Variants in TTC28 observed in about 807,000 individuals in gnomAD.
TTC28 encodes tetratricopeptide repeat protein 28.
In TTC28, 61 loss-of-function variants were observed where a neutral mutation model predicts 198.0. The ratio of observed to expected loss-of-function variants is 0.31; its 90% CI spans 0.25 to 0.38. The LOEUF is 0.38. Among genes scored for constraint, TTC28 ranks in the 10% least tolerant of loss-of-function variants. TTC28 has a pLI of 1.00. For missense variants in TTC28, 2,678 were observed against 3,164.0 expected, an observed-to-expected ratio of 0.85 and a Z score of 3.69; for synonymous variants, 1,171 against 1,297.8, an observed-to-expected ratio of 0.90 and a Z score of 2.10.
Position 28,107,596 on chromosome 22 carries a change from C to T in TTC28, c.2249G>A (p.Arg750Lys), listed in dbSNP as rs765051910. The stretch of plus-strand genomic sequence containing the variant: ...TGCATATGCACTGGCTTCTAATCTT[C>T]TGTCCTTTACCTGGTGAGCTAAGCC... Reference protein sequence around the residue: ...QLGLAHQVKDRRLEASAYAAL... With the variant: ...QLGLAHQVKDKRLEASAYAAL... The change falls in exon 7 of 23, where the codon AGA (arginine) becomes AAA (lysine). Residue 750 changes from arginine (R) to lysine (K), a missense_variant. Arg to Lys is a conservative substitution (Grantham distance 26). This residue lies in a region of TTC28 where 775 missense variants were observed against 845.9 expected (regional missense o/e 0.92). Coordinates refer to ENST00000397906, the MANE Select transcript of TTC28 (RefSeq NM_001145418.2). The T allele has an allele frequency of 4.6e-5, 72 of 1,551,652 alleles. 1 individual carries two copies. In the South Asian group the frequency reaches 8.3e-4, roughly 18 times the overall value.
At chr22:28,408,611 G>A (rs1162861154) in intron 2 of TTC28, among the ~76,000 whole-genome samples, 1 of 152,168 alleles carries the variant, frequency 6.6e-6, no homozygotes, top group Non-Finnish European at 1.5e-5. Flanking sequence ...GGCTGGTCTT[G>A]AACTCCTGAC....
In TTC28 at chr22:28,105,361, G is replaced by A; in HGVS notation, c.3225C>T (p.Ala1075=). The change falls in exon 8 of 23, where the codon GCC becomes GCT. Residue 1075 remains alanine (A), a synonymous_variant. Coordinates refer to ENST00000397906, the MANE Select transcript of TTC28 (RefSeq NM_001145418.2). The stretch of plus-strand genomic sequence containing the variant: ...CAAGGCTACTATATGACACCGTCTT[G>A]GCCGCCAAGTCATTCATCTGTGCAG... ...SIAAQMNDLA[A]KTVSYSSLGR... 6.4e-7 allele frequency: 1 copy of A among 1,551,674 alleles called. No homozygotes were observed. Among genetic ancestry groups the A allele is most frequent in the Non-Finnish European group, 8.7e-7 (1 of 1,146,982 alleles).
chr22:28,006,442 A>ATTCTT (rs1937932509), intron 14 of TTC28: 1 of 152,098 alleles, frequency 6.6e-6, no homozygotes, highest in Non-Finnish European at 1.5e-5. Context: ...TATTTATACT[A>ATTCTT]TTCTTTTCTC....
At chr22:28,525,272 C>G (rs766543041) in intron 2 of TTC28, among the ~76,000 whole-genome samples, 16 of 152,234 alleles carry the variant, frequency 1.1e-4, no homozygotes, top group Middle Eastern at 3.4e-3. Context: ...CCCACCTCAG[C>G]CTCTCGAGTA....
intron 5 of TTC28, among the ~76,000 whole-genome samples, chr22:28,261,765 G>A (rs773497192): frequency 1.3e-5 from 2 of 152,074 alleles, no homozygotes; most frequent in African/African-American, 4.8e-5. Context: ...ATATTGCTGA[G>A]GTTGGTCTTG....
intron 12 of TTC28, among the ~76,000 whole-genome samples, chr22:28,085,925 G>T (rs537305107): frequency 2.0e-5 from 3 of 152,184 alleles, no homozygotes; most frequent in Non-Finnish European, 2.9e-5. Flanking sequence ...AGGCCATTAC[G>T]TAATGGTAAA....
chr22:28,236,156 C>T (rs1929230711), intron 5 of TTC28, among the ~76,000 whole-genome samples: 1 of 152,168 alleles, frequency 6.6e-6, no homozygotes, highest in Non-Finnish European at 1.5e-5. Context: ...ATCCTAGTTC[C>T]GCAGCTAGAC....
intron 5 of TTC28, among the ~76,000 whole-genome samples, chr22:28,191,757 T>C (rs555781141): frequency 6.6e-6 from 1 of 152,140 alleles, no homozygotes; most frequent in Non-Finnish European, 1.5e-5. Flanking sequence ...TGCCTGACAT[T>C]GCCCAGGCTT....
intron 5 of TTC28, among the ~76,000 whole-genome samples, chr22:28,284,080 A>G (rs1213347185): frequency 1.3e-5 from 2 of 152,186 alleles, no homozygotes; most frequent in Admixed American, 1.3e-4. Context: ...GGCATTTATC[A>G]TGACTGGCCT....
At chr22:28,615,949 A>G (rs1458177107) in intron 2 of TTC28, among the ~76,000 whole-genome samples, 1 of 152,206 alleles carries the variant, frequency 6.6e-6, no homozygotes, top group Non-Finnish European at 1.5e-5. Flanking sequence ...TGTAATTTTA[A>G]AAAATTCACT....
intron 2 of TTC28, among the ~76,000 whole-genome samples, chr22:28,380,532 T>C (rs143275381): frequency 3.8e-3 from 581 of 152,276 alleles, no homozygotes; most frequent in Admixed American, 8.0e-3. Context: ...GTTTGTGTAA[T>C]TCTTATGTTG....
chr22:28,543,591 T>C lies in TTC28; in HGVS notation c.381+85961A>G, dbSNP rs560124018. On this transcript the variant is annotated intron_variant, in intron 2 of 22. Coordinates refer to ENST00000397906, the MANE Select transcript of TTC28 (RefSeq NM_001145418.2). ...GAAAATCTGAAGAACTTTGTATCTA[T>C]TAAAACAATTGAATTCATAATCAAT... Among the ~76,000 whole-genome samples, 5 of 152,138 alleles carry C rather than the reference T, an allele frequency of 3.3e-5. No homozygotes were observed. In the South Asian group the frequency reaches 1.0e-3, roughly 32 times the overall value.
At chr22:28,495,927 T>C (rs2048448623) in intron 2 of TTC28, among the ~76,000 whole-genome samples, 1 of 152,134 alleles carries the variant, frequency 6.6e-6, no homozygotes, top group Non-Finnish European at 1.5e-5. Flanking sequence ...CCACCAAATC[T>C]GCTCCCATCA....
At chr22:28,531,132 A>G (rs2049127953) in intron 2 of TTC28, among the ~76,000 whole-genome samples, 1 of 152,226 alleles carries the variant, frequency 6.6e-6, no homozygotes. Flanking sequence ...TGAAGAGTCA[A>G]GACCCATCAG....
At chr22:28,662,942 A>G (rs1412138378) in intron 1 of TTC28, among the ~76,000 whole-genome samples, 1 of 151,932 alleles carries the variant, frequency 6.6e-6, no homozygotes, top group Non-Finnish European at 1.5e-5. Context: ...AATGCAATAC[A>G]CTTTTTCTAG....
chr22:28,495,273 T>C (rs1034522424), intron 2 of TTC28, among the ~76,000 whole-genome samples: 2 of 152,176 alleles, frequency 1.3e-5, no homozygotes. Context: ...CCCTAGAGCA[T>C]ACTGTTACAT....
intron 1 of TTC28, among the ~76,000 whole-genome samples, chr22:28,654,034 G>C (rs1397631511): frequency 1.3e-5 from 2 of 151,736 alleles, no homozygotes; most frequent in Admixed American, 1.3e-4. Context: ...TTTTTCACTT[G>C]GGAGAAAAAA....
At chr22:28,100,720 A>AT (rs1942117830) in intron 9 of TTC28, among the ~76,000 whole-genome samples, 1 of 152,190 alleles carries the variant, frequency 6.6e-6, no homozygotes, top group Non-Finnish European at 1.5e-5. Context: ...GAGGAGGCCT[A>AT]TAACTCGAGG....
chr22:28,217,450 T>C (rs547632619), intron 5 of TTC28, among the ~76,000 whole-genome samples: 4 of 152,326 alleles, frequency 2.6e-5, no homozygotes, highest in East Asian at 1.9e-4. Context: ...ATTGTGGCGA[T>C]AGAGGAAAGT....
Sources: allele counts gnomAD v4.1 joint callset (sites outside exome capture counted in the v4.1 genomes callset), GRCh38; gene constraint gnomAD v4.1.1; regional missense constraint gnomAD v4.1.1; transcripts MANE v1.5; gene names NCBI Gene and HGNC (gene_info 2026-07-23, HGNC 2026-07-21).